The following DMD variants were observed in gnomAD, a reference collection of about 807,000 sequenced individuals.
DMD encodes the protein dystrophin, also known as mutant dystrophin.
A neutral mutation model predicts 330.1 loss-of-function variants in DMD; 63 were observed. The observed-to-expected ratio is 0.19, with a 90% CI of 0.16 to 0.24. The LOEUF is 0.24. Ranked by LOEUF, DMD falls within the 10% of genes least tolerant of loss-of-function variation. The pLI is 1.00. For synonymous variants in DMD, 1,223 were observed against 959.8 expected (o/e 1.27, Z -5.07); for missense variants, 3,344 against 2,684.1 (o/e 1.25, Z -5.43).
intron 30 of DMD, among the ~76,000 whole-genome samples, chrX:32,398,060 T>G (rs1024938376): frequency 3.6e-5 from 4 of 110,825 alleles, no homozygotes; most frequent in African/African-American, 1.3e-4. Context: ...AATGGCCACA[T>G]ATCACACGTA....
intron 44 of DMD, among the ~76,000 whole-genome samples, chrX:32,132,572 G>A (rs1473568798): frequency 9.0e-6 from 1 of 110,993 alleles, no homozygotes; most frequent in African/African-American, 3.3e-5. Context: ...ACATTTCATT[G>A]TTGGAGGAAT....
chrX:31,622,366 T>C (rs920990978), intron 55 of DMD, among the ~76,000 whole-genome samples: 1 of 110,807 alleles, frequency 9.0e-6, no homozygotes, highest in Non-Finnish European at 1.9e-5. Context: ...ACGAACAATA[T>C]TGAAACTTAC....
chrX:32,453,360 T>C (rs1292379471), intron 26 of DMD, among the ~76,000 whole-genome samples: 1 of 110,576 alleles, frequency 9.0e-6, no homozygotes, highest in Non-Finnish European at 1.9e-5. Flanking sequence ...CTAGAAATGA[T>C]TATACTAATT....
chrX:32,505,193 T>C lies in DMD; in HGVS notation c.2293-3351A>G, dbSNP rs186588243. Among the ~76,000 whole-genome samples, 504 of 111,828 alleles carry C rather than the reference T, an allele frequency of 4.5e-3. 1 individual carries two copies. The highest frequency in any genetic ancestry group is 7.3e-3 in the Non-Finnish European group (387 of 53,160). On this transcript the variant is annotated intron_variant, in intron 18 of 78. Coordinates refer to ENST00000357033, the MANE Select transcript of DMD (RefSeq NM_004006.3). ...GTTGAATAGTACTAAGTTAAAAGGT[T>C]CTGCTCTGTGAAAGATGCTGCCAAA...
At chrX:32,186,930 G>A (rs2096950292) in intron 44 of DMD, among the ~76,000 whole-genome samples, 1 of 110,618 alleles carries the variant, frequency 9.0e-6, no homozygotes, top group Non-Finnish European at 1.9e-5. Context: ...AGCAGATGTG[G>A]TTCTCAGAAT....
intron 44 of DMD, among the ~76,000 whole-genome samples, chrX:32,211,183 A>C (rs1291239357): frequency 3.6e-5 from 4 of 111,874 alleles, no homozygotes; most frequent in Non-Finnish European, 5.6e-5. Flanking sequence ...CAGGGTCACC[A>C]TGCTATAACT....
intron 62 of DMD, among the ~76,000 whole-genome samples, chrX:31,265,376 G>T (rs929345209): frequency 3.6e-5 from 4 of 111,415 alleles, no homozygotes; most frequent in African/African-American, 1.3e-4. Context: ...GTTTGGAGGG[G>T]TGGGCATCAA....
At chrX:32,903,784 G>A in intron 2 of DMD, among the ~76,000 whole-genome samples, 1 of 111,675 alleles carries the variant, frequency 9.0e-6, no homozygotes, top group East Asian at 2.8e-4. Flanking sequence ...AAGACCTGAA[G>A]ATCTAAAGTG....
At chrX:32,097,365 C>T (rs1603625015) in intron 44 of DMD, among the ~76,000 whole-genome samples, 1 of 111,046 alleles carries the variant, frequency 9.0e-6, no homozygotes, top group South Asian at 3.8e-4. Context: ...TTTTTCCATT[C>T]CTGTGTTAGT....
chrX:32,661,664 A>G (rs2060956408), intron 9 of DMD, among the ~76,000 whole-genome samples: 1 of 111,510 alleles, frequency 9.0e-6, no homozygotes, highest in Non-Finnish European at 1.9e-5. Context: ...TTGTGGATAG[A>G]TTTCTTTGAT....
chrX:31,760,433 G>C (rs1160705561), intron 51 of DMD, among the ~76,000 whole-genome samples: 7 of 111,748 alleles, frequency 6.3e-5, no homozygotes, highest in African/African-American at 1.3e-4. Flanking sequence ...GGTCCTATAA[G>C]ATTATAATAT....
intron 12 of DMD, among the ~76,000 whole-genome samples, chrX:32,599,006 G>A (rs1177370144): frequency 9.0e-6 from 1 of 111,600 alleles, no homozygotes; most frequent in African/African-American, 3.2e-5. Flanking sequence ...GTTATTTCCA[G>A]TATCTCTTCT....
intron 4 of DMD, among the ~76,000 whole-genome samples, chrX:32,838,519 A>G (rs2079858813): frequency 9.0e-6 from 1 of 111,095 alleles, no homozygotes. Context: ...TTCTTGTGTT[A>G]GTTTGCTGAG....
At chrX:32,629,694 T>A (rs1300497211) in intron 11 of DMD, among the ~76,000 whole-genome samples, 1 of 110,626 alleles carries the variant, frequency 9.0e-6, no homozygotes, top group Non-Finnish European at 1.9e-5. Flanking sequence ...CTGAGTACAT[T>A]ATTTGATTTG....
chrX:33,165,302 A>G lies in DMD; in HGVS notation c.31+45980T>C, dbSNP rs1046159259. 9.0e-5 allele frequency among the ~76,000 whole-genome samples: 10 copies of G among 111,576 alleles called. No homozygotes were observed. The Admixed American group carries it at 9.6e-4, about 11-fold the overall frequency. ...TGGAAGTGTGAATAAAAGTTAGGGG[A>G]AAAATGACTTAAACTTCAGCAGCAG... On this transcript the variant is annotated intron_variant, in intron 1 of 78. Transcript: ENST00000357033.
At chrX:33,235,910 ATTATTATTT>A (rs1356515980) in intron 1 of DMD, among the ~76,000 whole-genome samples, 1 of 97,307 alleles carries the variant, frequency 1.0e-5, no homozygotes. Flanking sequence ...TATTATTATT[ATTATTATTT>A]TTTTTTTTTT....
At chrX:31,557,780 T>G in intron 55 of DMD, among the ~76,000 whole-genome samples, 1 of 110,581 alleles carries the variant, frequency 9.0e-6, no homozygotes. Flanking sequence ...AGATTCTAAC[T>G]AGCACAATGA....
At chrX:32,945,324 A>G (rs2090725589) in intron 2 of DMD, among the ~76,000 whole-genome samples, 1 of 111,620 alleles carries the variant, frequency 9.0e-6, no homozygotes, top group South Asian at 3.7e-4. Context: ...GAAAAATTAC[A>G]TTTAATTAAT....
chrX:32,138,280 C>T (rs183062487), intron 44 of DMD, among the ~76,000 whole-genome samples: 1 of 111,049 alleles, frequency 9.0e-6, no homozygotes, highest in African/African-American at 3.3e-5. Context: ...TACTTCAAAT[C>T]TCTATAGCAC....
Sources: gnomAD v4.1 joint callset for allele counts (sites outside exome capture counted in the v4.1 genomes callset) on GRCh38, gnomAD v4.1.1 for gene constraint, MANE v1.5 for transcripts, NCBI Gene and HGNC (gene_info 2026-07-23, HGNC 2026-07-21) for gene names.